The following NFIB variants were observed in gnomAD, a reference collection of about 807,000 sequenced individuals.
NFIB encodes nuclear factor I B.
A neutral mutation model predicts 61.5 loss-of-function variants in NFIB; 11 were observed. That is an observed-to-expected ratio of 0.18 (90% confidence interval 0.11 to 0.30). The LOEUF is 0.30. Ranked by LOEUF, NFIB falls within the 10% of genes least tolerant of loss-of-function variation. NFIB has a pLI of 1.00. For missense variants in NFIB, 471 were observed against 608.9 expected (o/e 0.77, Z 2.38); for synonymous variants, 260 against 216.5 (o/e 1.20, Z -1.76).
the NFIB span, among the ~76,000 whole-genome samples, chr9:14,445,144 T>G: frequency 7.8e-4 from 119 of 152,292 alleles, no homozygotes; most frequent in Admixed American, 3.7e-3. Flanking sequence ...TATATAGGAA[T>G]GTAGTTGATT....
chr9:14,299,199 A>G (rs1053145672), intron 2 of NFIB, among the ~76,000 whole-genome samples: 3 of 152,124 alleles, frequency 2.0e-5, no homozygotes, highest in African/African-American at 7.2e-5. Flanking sequence ...TCATGATTAG[A>G]TTTTTTGTCC....
the NFIB span, among the ~76,000 whole-genome samples, chr9:14,482,990 G>T: frequency 6.6e-6 from 1 of 152,018 alleles, no homozygotes; most frequent in Admixed American, 6.6e-5. Context: ...ATGAAAATTC[G>T]AATAAAAATA....
the NFIB span, among the ~76,000 whole-genome samples, chr9:14,480,033 T>TG: frequency 1.3e-5 from 2 of 151,430 alleles, no homozygotes; most frequent in East Asian, 1.9e-4. Context: ...GAAAGGTTTT[T>TG]TTTTGTTTTG....
chr9:14,287,010 T>G (rs1334550179), intron 2 of NFIB, among the ~76,000 whole-genome samples: 1 of 152,142 alleles, frequency 6.6e-6, no homozygotes, highest in Non-Finnish European at 1.5e-5. Flanking sequence ...ATCTAAGAAC[T>G]TTCATTCACT....
chr9:14,223,247 C>T (rs1270588191), intron 2 of NFIB, among the ~76,000 whole-genome samples: 1 of 152,184 alleles, frequency 6.6e-6, no homozygotes, highest in African/African-American at 2.4e-5. Flanking sequence ...GACTTCCTGA[C>T]AGAAATCTAT....
intron 2 of NFIB, among the ~76,000 whole-genome samples, chr9:14,284,047 G>C (rs1056896232): frequency 6.6e-6 from 1 of 152,142 alleles, no homozygotes. Flanking sequence ...GTGAAGCTGG[G>C]AATATGAGCT....
At chr9:14,503,278 A>G in the NFIB span, among the ~76,000 whole-genome samples, 8,074 of 151,974 alleles carry the variant, frequency 0.053, 519 homozygotes, top group African/African-American at 0.15. Flanking sequence ...TTTTCATGTA[A>G]TGACTTGTTT....
At chr9:14,445,500 T>C in the NFIB span, among the ~76,000 whole-genome samples, 2 of 152,186 alleles carry the variant, frequency 1.3e-5, no homozygotes, top group Admixed American at 1.3e-4. Flanking sequence ...GAAATTTTGA[T>C]CTTTTTTAGA....
At chr9:14,420,186 C>T in the NFIB span, among the ~76,000 whole-genome samples, 914 of 152,176 alleles carry the variant, frequency 6.0e-3, 10 homozygotes, top group Middle Eastern at 0.02. Flanking sequence ...CTGGCACACG[C>T]CTGCAATCCC....
intron 2 of NFIB, among the ~76,000 whole-genome samples, chr9:14,298,686 C>T (rs1343047108): frequency 6.6e-6 from 1 of 152,110 alleles, no homozygotes; most frequent in Non-Finnish European, 1.5e-5. Context: ...GGGCTTGGGC[C>T]TTTTTGTCAG....
intron 1 of NFIB, among the ~76,000 whole-genome samples, chr9:14,324,803 T>C (rs2060733089): frequency 6.6e-6 from 1 of 152,118 alleles, no homozygotes; most frequent in African/African-American, 2.4e-5. Context: ...CTTATAATGA[T>C]ACTTATTCCT....
At chr9:14,114,675 A>G (rs1163494404) in intron 9 of NFIB, among the ~76,000 whole-genome samples, 1 of 152,208 alleles carries the variant, frequency 6.6e-6, no homozygotes, top group African/African-American at 2.4e-5. Context: ...ATTCATTAAC[A>G]AACAGGCTGA....
rs145656433 is a variant in NFIB, at chr9:14,307,455, G to A, written c.96C>T (p.Phe32=). Residue 32 remains phenylalanine (F), a synonymous_variant, in exon 2 of 11, where the codon TTC becomes TTT. Transcript: ENST00000380953. This position sits in a 1 kb window ranked among gnomAD's most constrained non-coding sequence, Gnocchi z 5.3. ...PHVRAIAYTW[F]NLQARKRKYF... ...ACTTGCGTTTTCGAGCCTGCAGGTT[G>A]AACCAAGTATAGGCAATTGCACGGA... 4 of 1,613,850 alleles carry A rather than the reference G, an allele frequency of 2.5e-6. No individual in the cohort carries two copies. The highest frequency in any genetic ancestry group is 3.4e-6 in the Non-Finnish European group (4 of 1,179,968).
chr9:14,230,156 G>C (rs1052228723), intron 2 of NFIB, among the ~76,000 whole-genome samples: 2 of 152,230 alleles, frequency 1.3e-5, no homozygotes, highest in African/African-American at 4.8e-5. Context: ...ATAAAAGAAT[G>C]GTATAAAATA....
the NFIB span, among the ~76,000 whole-genome samples, chr9:14,462,004 C>A: frequency 6.6e-6 from 1 of 152,160 alleles, no homozygotes; most frequent in Non-Finnish European, 1.5e-5. Context: ...CTGAAGACAC[C>A]AAAGGCAGAG....
the NFIB span, among the ~76,000 whole-genome samples, chr9:14,498,851 C>T: frequency 0.21 from 28,935 of 139,040 alleles, 4,166 homozygotes; most frequent in African/African-American, 0.4. Context: ...TCCTTCCTTC[C>T]TTTGCTTTCT....
intron 8 of NFIB, among the ~76,000 whole-genome samples, chr9:14,117,800 A>T (rs1477702347): frequency 6.6e-6 from 1 of 152,190 alleles, no homozygotes; most frequent in African/African-American, 2.4e-5. Context: ...ATTTTATTCA[A>T]AATATTCCAT....
chr9:14,186,486 C>G (rs2131508849), intron 2 of NFIB, among the ~76,000 whole-genome samples: 2 of 152,018 alleles, frequency 1.3e-5, no homozygotes, highest in Admixed American at 1.3e-4. Context: ...ATGCCAGAAA[C>G]AAGACGTAAC....
intron 2 of NFIB, among the ~76,000 whole-genome samples, chr9:14,221,895 C>A (rs1347440049): frequency 6.6e-6 from 1 of 152,110 alleles, no homozygotes; most frequent in Non-Finnish European, 1.5e-5. Flanking sequence ...CTTTCTGAAC[C>A]ACCATATCTC....
Sources: allele counts gnomAD v4.1 joint callset (sites outside exome capture counted in the v4.1 genomes callset), GRCh38; gene constraint gnomAD v4.1.1; non-coding constraint Gnocchi (gnomAD v3.1); transcripts MANE v1.5; gene names NCBI Gene and HGNC (gene_info 2026-07-23, HGNC 2026-07-21).